Variants in ATP2B2 observed in about 807,000 individuals in gnomAD.
The protein encoded by ATP2B2 is ATPase plasma membrane Ca2+ transporting 2.
ATP2B2 carries 15 observed loss-of-function variants against 120.0 expected under a neutral mutation model. The observed-to-expected ratio is 0.12, with a 90% confidence interval of 0.08 to 0.19. The LOEUF (loss-of-function observed/expected upper bound fraction) is 0.19. ATP2B2 is among the 10% of genes least tolerant of loss of function. The pLI, the probability that ATP2B2 is intolerant of heterozygous loss-of-function variation, is 1.00. For synonymous variants in ATP2B2, 694 were observed against 700.3 expected, an observed-to-expected ratio of 0.99 and a Z score of 0.14; for missense variants, 1,045 against 1,719.8, an observed-to-expected ratio of 0.61 and a Z score of 6.94.
chr3:10,539,168 A>T (rs1249009744), intron 2 of ATP2B2, among the ~76,000 whole-genome samples: 1 of 152,208 alleles, frequency 6.6e-6, no homozygotes, highest in Non-Finnish European at 1.5e-5. Flanking sequence ...CACACAAGGG[A>T]TGTGAAGGAC....
intron 3 of ATP2B2, among the ~76,000 whole-genome samples, chr3:10,531,562 G>A (rs1167585959): frequency 6.6e-6 from 1 of 152,180 alleles, no homozygotes; most frequent in Non-Finnish European, 1.5e-5. Context: ...CTGGCACAAG[G>A]CGAGCCCTGC....
intron 2 of ATP2B2, among the ~76,000 whole-genome samples, chr3:10,547,197 G>A (rs1228925238): frequency 6.6e-6 from 1 of 152,092 alleles, no homozygotes; most frequent in African/African-American, 2.4e-5. Flanking sequence ...GTAGATGTAG[G>A]AAATAGCAGT....
chr3:10,541,716 G>A lies in ATP2B2; in HGVS notation c.-414-7583C>T, dbSNP rs548215227. Reference sequence around the variant, plus strand: ...CTACCTTAGCATATGTTCTGTGGGCGCTTGAAAACAGCATGTATTCTGTTG... The same window carrying A: ...CTACCTTAGCATATGTTCTGTGGGCACTTGAAAACAGCATGTATTCTGTTG... On this transcript the variant is annotated intron_variant, in intron 2 of 21. Coordinates refer to the ATP2B2 transcript ENST00000646379. 7.2e-5 allele frequency among the ~76,000 whole-genome samples: 11 copies of A among 152,224 alleles called. No individual in the cohort carries two copies. The Middle Eastern group carries it at 0.017, about 235-fold the overall frequency.
chr3:10,339,031 A>G (rs1012865386), intron 21 of ATP2B2: 3 of 153,120 alleles, frequency 2.0e-5, no homozygotes, highest in Non-Finnish European at 4.4e-5. Context: ...GGTGGCAGAT[A>G]TCAGAGGCCC....
chr3:10,577,803 C>G (rs973346919), intron 2 of ATP2B2, among the ~76,000 whole-genome samples: 3 of 152,212 alleles, frequency 2.0e-5, no homozygotes, highest in South Asian at 4.1e-4. Context: ...CAGAGGGAAC[C>G]CGAGGCACTG....
intron 12 of ATP2B2, among the ~76,000 whole-genome samples, chr3:10,369,852 T>G (rs573159156): frequency 6.6e-6 from 1 of 152,358 alleles, no homozygotes; most frequent in Non-Finnish European, 1.5e-5. Context: ...GAGGCTCTGC[T>G]GTCCTTCCCA....
chr3:10,558,885 T>C lies in ATP2B2; in HGVS notation c.-414-24752A>G, dbSNP rs562557335. Among the ~76,000 whole-genome samples, 51 of 151,832 alleles carry C rather than the reference T, an allele frequency of 3.4e-4. 1 individual carries two copies. Among genetic ancestry groups the C allele is most frequent in the Middle Eastern group, 3.4e-3 (1 of 294 alleles). On this transcript the variant is annotated intron_variant, in intron 2 of 21. Transcript: ENST00000646379. ...AGGAAAGAGGAGAGGAGAGAACGAG[T>C]GAGGAGAGTAACAGAAGGTGGCCCT...
At chr3:10,432,892 G>A (rs2063364492) in intron 2 of ATP2B2, among the ~76,000 whole-genome samples, 1 of 152,226 alleles carries the variant, frequency 6.6e-6, no homozygotes, top group Non-Finnish European at 1.5e-5. Flanking sequence ...ATTCTCTGAT[G>A]TCTCTGTGGC....
chr3:10,681,147 A>G (rs957367137), intron 1 of ATP2B2, among the ~76,000 whole-genome samples: 1 of 152,162 alleles, frequency 6.6e-6, no homozygotes, highest in African/African-American at 2.4e-5. Context: ...TGGTTCCTGT[A>G]TTCTCAGTCT....
At chr3:10,556,254 A>C (rs1304974296) in intron 2 of ATP2B2, among the ~76,000 whole-genome samples, 3 of 152,190 alleles carry the variant, frequency 2.0e-5, no homozygotes, top group African/African-American at 7.2e-5. Context: ...TCTCCAGGCC[A>C]GGGATATGTC....
chr3:10,583,673 G>A (rs1200888789), intron 2 of ATP2B2, among the ~76,000 whole-genome samples: 2 of 152,194 alleles, frequency 1.3e-5, no homozygotes, highest in African/African-American at 4.8e-5. Context: ...TGCTGTGAGG[G>A]AATTAATGAC....
chr3:10,558,881 C>T (rs556561626), intron 2 of ATP2B2, among the ~76,000 whole-genome samples: 1 of 152,030 alleles, frequency 6.6e-6, no homozygotes, highest in Non-Finnish European at 1.5e-5. Flanking sequence ...GAGGAGAGAA[C>T]GAGTGAGGAG....
chr3:10,658,116 CA>C (rs1329208305), intron 1 of ATP2B2, among the ~76,000 whole-genome samples: 3 of 152,182 alleles, frequency 2.0e-5, no homozygotes, highest in Non-Finnish European at 2.9e-5. Flanking sequence ...TCATCAAAGA[CA>C]AAAGGTAGAT....
At chr3:10,515,263 A>G (rs1174144757) in intron 3 of ATP2B2, among the ~76,000 whole-genome samples, 1 of 152,194 alleles carries the variant, frequency 6.6e-6, no homozygotes, top group East Asian at 1.9e-4. Context: ...GGGAGGCATA[A>G]ATGAGTAATA....
intron 2 of ATP2B2, among the ~76,000 whole-genome samples, chr3:10,412,181 C>T (rs1310787636): frequency 1.3e-5 from 2 of 152,244 alleles, no homozygotes; most frequent in Non-Finnish European, 2.9e-5. Flanking sequence ...CTGGCACTGG[C>T]CACTGTTTGC....
At chr3:10,532,255 G>GC (rs1412105953) in intron 3 of ATP2B2, among the ~76,000 whole-genome samples, 2 of 152,172 alleles carry the variant, frequency 1.3e-5, no homozygotes, top group Non-Finnish European at 2.9e-5. Flanking sequence ...ATTCATAAAG[G>GC]CACATGAGAG....
intron 1 of ATP2B2, chr3:10,626,022 C>T (rs2069688900): frequency 6.7e-6 from 1 of 148,494 alleles, no homozygotes; most frequent in Non-Finnish European, 1.5e-5. Context: ...AAGTTTCACT[C>T]TAAAATAAGT....
At chr3:10,594,816 T>G (rs546628413) in intron 2 of ATP2B2, among the ~76,000 whole-genome samples, 24 of 152,330 alleles carry the variant, frequency 1.6e-4, no homozygotes, top group Non-Finnish European at 2.1e-4. Flanking sequence ...TTTTAGCTCA[T>G]TAATCCACAC....
chr3:10,376,782 C>T (rs1038999445), intron 10 of ATP2B2, among the ~76,000 whole-genome samples: 1 of 152,166 alleles, frequency 6.6e-6, no homozygotes, highest in Non-Finnish European at 1.5e-5. Flanking sequence ...TAGGACAGAC[C>T]CTAGAGTTCT....
Sources: allele counts gnomAD v4.1 joint callset (sites outside exome capture counted in the v4.1 genomes callset), GRCh38; gene constraint gnomAD v4.1.1; transcripts MANE v1.5; gene names NCBI Gene and HGNC (gene_info 2026-07-23, HGNC 2026-07-21).